ARHGAP24: variants seen among roughly 807,000 people sequenced by gnomAD.
The protein encoded by ARHGAP24 is rho GTPase-activating protein 24.
Under a neutral mutation model 76.4 loss-of-function variants are expected in ARHGAP24, and 50 were observed. The ratio of observed to expected loss-of-function variants is 0.65; its 90% CI spans 0.52 to 0.83. The LOEUF is 0.83. Ranked by LOEUF, ARHGAP24 falls within the 40% of genes least tolerant of loss-of-function variation. The pLI, the probability that ARHGAP24 is intolerant of heterozygous loss-of-function variation, is 0.00. For synonymous variants in ARHGAP24, 345 were observed against 323.3 expected (o/e 1.07, Z -0.72); for missense variants, 930 against 914.2 (o/e 1.02, Z -0.22).
intron 1 of ARHGAP24, among the ~76,000 whole-genome samples, chr4:85,536,934 G>A (rs11932352): frequency 0.12 from 18,788 of 152,026 alleles, 3,269 homozygotes; most frequent in African/African-American, 0.39. Context: ...ATATTCAAAG[G>A]CACAACAATT....
At chr4:85,529,123 G>T (rs890915470) in intron 1 of ARHGAP24, among the ~76,000 whole-genome samples, 1 of 151,930 alleles carries the variant, frequency 6.6e-6, no homozygotes, top group East Asian at 1.9e-4. Context: ...TATTTTGAAG[G>T]TATGTGCACA....
chr4:85,910,985 G>A (rs972547095), intron 3 of ARHGAP24, among the ~76,000 whole-genome samples: 5 of 152,110 alleles, frequency 3.3e-5, no homozygotes, highest in African/African-American at 4.8e-5. Flanking sequence ...CTCTGAGATC[G>A]GAGTGGACAC....
intron 3 of ARHGAP24, among the ~76,000 whole-genome samples, chr4:85,837,102 A>G: frequency 6.6e-6 from 1 of 152,188 alleles, no homozygotes; most frequent in South Asian, 2.1e-4. Flanking sequence ...TATCTCTGAA[A>G]GTTTTAGGAG....
At chr4:85,569,239 G>A (rs4693708) in intron 1 of ARHGAP24, among the ~76,000 whole-genome samples, 101,828 of 152,098 alleles carry the variant, frequency 0.67, 37,668 homozygotes, top group Non-Finnish European at 0.85. Context: ...AATAATCTAC[G>A]TTTTATCAGA....
chr4:85,489,106 A>C (rs1247938137), intron 1 of ARHGAP24, among the ~76,000 whole-genome samples: 5 of 152,192 alleles, frequency 3.3e-5, no homozygotes, highest in Non-Finnish European at 7.3e-5. Context: ...CCACATCAGA[A>C]TTGTACATTA....
chr4:85,699,593 C>A (rs1308203040), intron 2 of ARHGAP24, among the ~76,000 whole-genome samples: 1 of 151,612 alleles, frequency 6.6e-6, no homozygotes, highest in Non-Finnish European at 1.5e-5. Flanking sequence ...CAGAGCAAGA[C>A]CCTGTCTCAA....
At chr4:85,563,346 A>G (rs1726674633) in intron 1 of ARHGAP24, among the ~76,000 whole-genome samples, 1 of 152,176 alleles carries the variant, frequency 6.6e-6, no homozygotes, top group African/African-American at 2.4e-5. Flanking sequence ...AGGGAAGTCT[A>G]AGATCAAGGT....
At chr4:85,682,094 G>A (rs1270199233) in intron 2 of ARHGAP24, among the ~76,000 whole-genome samples, 1 of 152,122 alleles carries the variant, frequency 6.6e-6, no homozygotes, top group Non-Finnish European at 1.5e-5. Flanking sequence ...TAAACACTGT[G>A]TTATATTCTC....
chr4:85,815,404 C>T (rs1036419075), intron 3 of ARHGAP24, among the ~76,000 whole-genome samples: 1 of 152,186 alleles, frequency 6.6e-6, no homozygotes, highest in Admixed American at 6.5e-5. Flanking sequence ...ACACCCAAGT[C>T]ACCTCTTGAA....
intron 2 of ARHGAP24, among the ~76,000 whole-genome samples, chr4:85,698,031 T>A (rs1034535521): frequency 1.3e-5 from 2 of 152,096 alleles, no homozygotes; most frequent in Non-Finnish European, 2.9e-5. Flanking sequence ...GCAAGAAGTG[T>A]GTATTTGAGG....
At chr4:85,583,407 G>T (rs1484017414) in intron 2 of ARHGAP24, among the ~76,000 whole-genome samples, 1 of 151,906 alleles carries the variant, frequency 6.6e-6, no homozygotes, top group African/African-American at 2.4e-5. Flanking sequence ...TTTTTTAATA[G>T]ATCAAGAGAC....
chr4:85,860,570 A>C (rs1208638669), intron 3 of ARHGAP24, among the ~76,000 whole-genome samples: 1 of 152,084 alleles, frequency 6.6e-6, no homozygotes, highest in East Asian at 1.9e-4. Context: ...CTTTGAATGC[A>C]TCAATTACTA....
At chr4:85,542,377 T>C (rs1265358782) in intron 1 of ARHGAP24, among the ~76,000 whole-genome samples, 1 of 152,156 alleles carries the variant, frequency 6.6e-6, no homozygotes, top group Middle Eastern at 3.2e-3. Flanking sequence ...AAAGCTGTCC[T>C]GCAGAGCCTC....
intron 4 of ARHGAP24, among the ~76,000 whole-genome samples, chr4:85,928,450 T>TTTTTG (rs1033991239): frequency 1.9e-4 from 29 of 152,130 alleles, no homozygotes; most frequent in Middle Eastern, 3.4e-3. Context: ...ATTAATAGTT[T>TTTTTG]TTTTGTTTTG....
Position 86,000,899 on chromosome 4 carries a change from G to T in ARHGAP24, c.*177G>T. 1.1e-6 allele frequency: 1 copy of T among 874,900 alleles called. No homozygotes were observed. Among genetic ancestry groups the T allele is most frequent in the Non-Finnish European group, 1.7e-6 (1 of 578,864 alleles). 54.2% of individuals were successfully genotyped at this position (874,900 alleles called of 1,614,324 possible). On this transcript the variant is annotated 3_prime_UTR_variant, in exon 10 of 10. Transcript: ENST00000395184. ...GCAATGTGTACCAAAGTTATATCAT[G>T]CCCCATAATGCTACTGTCAAGTGTT...
chr4:85,807,478 C>CT (rs1294779211), intron 3 of ARHGAP24, among the ~76,000 whole-genome samples: 3 of 152,186 alleles, frequency 2.0e-5, no homozygotes, highest in African/African-American at 7.2e-5. Flanking sequence ...AAATCAGACT[C>CT]TGAAATCCAA....
At chr4:85,870,545 T>G (rs1732468567) in intron 3 of ARHGAP24, among the ~76,000 whole-genome samples, 2 of 152,166 alleles carry the variant, frequency 1.3e-5, no homozygotes, top group Admixed American at 1.3e-4. Flanking sequence ...TGAGTTAACC[T>G]TTTCAGCATT....
intron 2 of ARHGAP24, among the ~76,000 whole-genome samples, chr4:85,577,554 G>A (rs1727430848): frequency 6.6e-6 from 1 of 152,188 alleles, no homozygotes. Context: ...TTGGAGCCTA[G>A]ATTGATCCTG....
intron 2 of ARHGAP24, among the ~76,000 whole-genome samples, chr4:85,615,078 T>C (rs550755212): frequency 6.6e-6 from 1 of 152,062 alleles, no homozygotes; most frequent in Non-Finnish European, 1.5e-5. Context: ...ATAGAAGAAA[T>C]TTCTCTTCAA....
Sources: gnomAD v4.1 joint callset for allele counts (sites outside exome capture counted in the v4.1 genomes callset) on GRCh38, gnomAD v4.1.1 for gene constraint, MANE v1.5 for transcripts, NCBI Gene and HGNC (gene_info 2026-07-23, HGNC 2026-07-21) for gene names.